Variants in USH2A observed in about 807,000 individuals in gnomAD.
USH2A encodes the protein Usher syndrome 2A (autosomal recessive, mild).
Under a neutral mutation model 538.9 loss-of-function variants are expected in USH2A, and 443 were observed. The observed-to-expected ratio is 0.82, with a 90% CI of 0.76 to 0.89. The LOEUF (loss-of-function observed/expected upper bound fraction) is 0.89. Ranked by LOEUF, USH2A falls within the 40% of genes least tolerant of loss-of-function variation. The pLI is 0.00. For missense variants in USH2A, 6,633 were observed against 6,324.8 expected (o/e 1.05, Z -1.65); for synonymous variants, 2,413 against 2,273.5 (o/e 1.06, Z -1.75).
chr1:215,913,334 T>G (rs977399497), intron 38 of USH2A, among the ~76,000 whole-genome samples: 1 of 151,964 alleles, frequency 6.6e-6, no homozygotes, highest in African/African-American at 2.4e-5. Context: ...AGAACAGAGG[T>G]GCTAAGAGGT....
At chr1:215,796,499 G>A (rs1053068411) in intron 50 of USH2A, among the ~76,000 whole-genome samples, 16 of 151,502 alleles carry the variant, frequency 1.1e-4, no homozygotes, top group Non-Finnish European at 1.3e-4. Flanking sequence ...TTGTTTTAGC[G>A]TGTCATGAAC....
chr1:216,270,523 C>G (rs1398677875), intron 11 of USH2A, among the ~76,000 whole-genome samples: 1 of 152,048 alleles, frequency 6.6e-6, no homozygotes, highest in Non-Finnish European at 1.5e-5. Flanking sequence ...TCTATACATC[C>G]ACAAGCTATG....
rs74400441 is a variant in USH2A, at chr1:215,625,538, C to A, written c.*243G>T. 4,620 of 543,290 alleles carry A rather than the reference C, an allele frequency of 8.5e-3. 139 individuals carry two copies. Among genetic ancestry groups the A allele is most frequent in the African/African-American group, 0.073 (3,848 of 52,578 alleles). 33.7% of individuals were successfully genotyped at this position (543,290 alleles called of 1,614,324 possible). A position where few individuals can be genotyped will look rare whatever the true frequency, so the allele number is the denominator to read the frequency against. ...TGACAATTACATACTTCTTTGTCTT[C>A]TACAAAATAAGAGCAAATCAAGTAT... On this transcript the variant is annotated 3_prime_UTR_variant, in exon 72 of 72. Coordinates refer to ENST00000307340, the MANE Select transcript of USH2A (RefSeq NM_206933.4).
At chr1:216,077,985 T>C in intron 27 of USH2A, 104 bp downstream of exon 27, 1 of 1,414,760 alleles carries the variant, frequency 7.1e-7, no homozygotes, top group Non-Finnish European at 9.9e-7. Context: ...TGTTGGGTGC[T>C]GCTTTTAGCC....
intron 35 of USH2A, among the ~76,000 whole-genome samples, chr1:215,981,885 T>C (rs1384635713): frequency 6.6e-6 from 1 of 152,194 alleles, no homozygotes; most frequent in Non-Finnish European, 1.5e-5. Flanking sequence ...CACTATGCTA[T>C]TGACATAAAA....
chr1:215,965,653 T>C (rs1365956407), intron 36 of USH2A, among the ~76,000 whole-genome samples, 174 bp from the exon 37 acceptor site: 1 of 152,064 alleles, frequency 6.6e-6, no homozygotes, highest in African/African-American at 2.4e-5. Context: ...CATGTTTTCT[T>C]CCCCCTGCTG....
chr1:216,319,245 G>T (rs941275760), intron 9 of USH2A, among the ~76,000 whole-genome samples: 2 of 152,128 alleles, frequency 1.3e-5, no homozygotes, highest in African/African-American at 4.8e-5. Context: ...GGGATCAAAA[G>T]AAGACAGTAG....
intron 14 of USH2A, among the ~76,000 whole-genome samples, chr1:216,230,436 C>T (rs11802895): frequency 0.01 from 1,589 of 152,058 alleles, 25 homozygotes; most frequent in African/African-American, 0.036. Context: ...AACATTTCTA[C>T]GGTGATAGAA....
chr1:215,870,814 G>C (rs1442610682), intron 43 of USH2A, among the ~76,000 whole-genome samples: 1 of 151,926 alleles, frequency 6.6e-6, no homozygotes, highest in Non-Finnish European at 1.5e-5. Flanking sequence ...ATGGACTTAC[G>C]TGTTGATTGT....
In USH2A at chr1:216,013,088, T is replaced by C. The variant is rs564846978; in HGVS notation, c.6326-12526A>G. ...ATAATCTTTGCTGGCAGGACTATGC[T>C]GAATCTCCTTAGGCACTCTCTAATC... On this transcript the variant is annotated intron_variant, in intron 32 of 71. Coordinates refer to ENST00000307340, the MANE Select transcript of USH2A (RefSeq NM_206933.4). 6.7e-3 allele frequency among the ~76,000 whole-genome samples: 1,021 copies of C among 152,296 alleles called. 7 individuals are homozygous for C. The highest frequency in any genetic ancestry group is 0.023 in the African/African-American group (964 of 41,544).
intron 61 of USH2A, among the ~76,000 whole-genome samples, chr1:215,710,008 G>A (rs2364860): frequency 0.44 from 66,718 of 152,064 alleles, 14,911 homozygotes; most frequent in Middle Eastern, 0.57. Flanking sequence ...GCCTCTCACT[G>A]CTGTGTTACT....
intron 21 of USH2A, among the ~76,000 whole-genome samples, chr1:216,123,277 A>T (rs2033173095): frequency 6.6e-6 from 1 of 152,226 alleles, no homozygotes; most frequent in African/African-American, 2.4e-5. Context: ...GGATATTTTT[A>T]AAAAGTAGGT....
At chr1:215,870,728 C>G (rs1664605257) in intron 43 of USH2A, among the ~76,000 whole-genome samples, 1 of 151,974 alleles carries the variant, frequency 6.6e-6, no homozygotes, top group Admixed American at 6.6e-5. Context: ...CACATTTCAC[C>G]ACTTCATATC....
chr1:216,347,827 T>C (rs1372148355), intron 4 of USH2A, among the ~76,000 whole-genome samples: 2 of 152,114 alleles, frequency 1.3e-5, no homozygotes, highest in Non-Finnish European at 2.9e-5. Flanking sequence ...TAGAGTCAGC[T>C]ATAGGATTTT....
At chr1:215,846,175 G>T (rs927490039) in intron 44 of USH2A, 142 bp from the exon 45 acceptor site, 1 of 773,940 alleles carries the variant, frequency 1.3e-6, no homozygotes, top group Admixed American at 2.5e-5. Flanking sequence ...AAGCTTATGA[G>T]ATCTCCTTTT....
intron 30 of USH2A, among the ~76,000 whole-genome samples, chr1:216,067,378 C>A (rs1224016082): frequency 6.6e-6 from 1 of 150,676 alleles, no homozygotes; most frequent in Non-Finnish European, 1.5e-5. Context: ...AACAAGCCTG[C>A]ACATTCTGCA....
Position 215,877,820 on chromosome 1 carries a change from T to G in USH2A, c.8619A>C (p.Leu2873Phe). The change falls in exon 43 of 72, where the codon TTA becomes TTC. Residue 2873 changes from leucine (L) to phenylalanine (F), a missense_variant. By Grantham distance (22) the Leu-to-Phe change is conservative. Transcript: ENST00000307340. ...QPLASNPPED[L>F]NRWHNIYSGT... ...CTGAATAAATATTGTGCCACCGATT[T>G]AAATCTTCTGGGGGATTTGATGCAA... is the stretch of plus-strand genomic sequence containing the variant. 6.2e-7 allele frequency: 1 copy of G among 1,613,870 alleles called. No homozygotes were observed. Among genetic ancestry groups the G allele is most frequent in the Non-Finnish European group, 8.5e-7 (1 of 1,179,764 alleles).
chr1:216,210,964 C>T (rs1462705962), intron 15 of USH2A, among the ~76,000 whole-genome samples: 4 of 140,128 alleles, frequency 2.9e-5, no homozygotes, highest in South Asian at 4.6e-4. Flanking sequence ...GGCGACAGAG[C>T]GAGACTCTGT....
At chr1:216,284,074 T>G (rs2036835912) in intron 11 of USH2A, among the ~76,000 whole-genome samples, 1 of 152,174 alleles carries the variant, frequency 6.6e-6, no homozygotes, top group African/African-American at 2.4e-5. Context: ...TGTATCTCTC[T>G]CTCTGTCTTT....
Sources: gnomAD v4.1 joint callset for allele counts (sites outside exome capture counted in the v4.1 genomes callset) on GRCh38, gnomAD v4.1.1 for gene constraint, MANE v1.5 for transcripts, NCBI Gene and HGNC (gene_info 2026-07-23, HGNC 2026-07-21) for gene names.